MARK3: variants seen among roughly 807,000 people sequenced by gnomAD.
MARK3 encodes MAP/microtubule affinity-regulating kinase 3.
Under a neutral mutation model 90.1 loss-of-function variants are expected in MARK3, and 46 were observed. That is an observed-to-expected ratio of 0.51 (90% CI 0.40 to 0.65). The LOEUF (loss-of-function observed/expected upper bound fraction) is 0.65, where lower values mean the gene tolerates loss of function less well. Ranked by LOEUF, MARK3 falls within the 30% of genes least tolerant of loss-of-function variation. The probability of loss-of-function intolerance (pLI) is 0.00; values close to 1 mark genes in which losing one functional copy is unlikely to be tolerated. For synonymous variants in MARK3, 321 were observed against 332.6 expected (o/e 0.97, Z 0.38); for missense variants, 818 against 947.2 (o/e 0.86, Z 1.79).
rs1718038686 is a variant in MARK3 at position 103,463,327 on chromosome 14, C to T, written c.540+866C>T. ...TGACTTGCTTGTTCTCTGCACCCGC[C>T]CCTAGAGCATTCACATTCACTCTCT... is the stretch of plus-strand genomic sequence containing the variant. On this transcript the variant is annotated intron_variant, in intron 7 of 17. Transcript: ENST00000429436. 7.2e-5 allele frequency among the ~76,000 whole-genome samples: 11 copies of T among 152,124 alleles called. No individual in the cohort carries two copies. The South Asian group carries it at 2.3e-3, about 32-fold the overall frequency.
rs1296834422 is a variant in MARK3, at chr14:103,448,965, T to C, written c.344T>C (p.Ile115Thr). The C allele has an allele frequency of 1.3e-6, 2 of 1,567,418 alleles. No individual in the cohort carries two copies. Among genetic ancestry groups the C allele is most frequent in the Non-Finnish European group, 8.7e-7 (1 of 1,152,316 alleles). ...ATGAAGATTTTAAATCATCCCAATA[T>C]AGGTACTTTCTGCTTTTTTAAATAT... The part of the protein sequence containing the change: ...RIMKILNHPN[I>T]VKLFEVIETE... Residue 115 changes from isoleucine to threonine, a missense_variant and splice_region_variant, in exon 4 of 18, where the codon ATA becomes ACA. Transcript: ENST00000429436.
At chr14:103,461,543 T>TA (rs1245888259) in intron 6 of MARK3, among the ~76,000 whole-genome samples, 1 of 152,204 alleles carries the variant, frequency 6.6e-6, no homozygotes, top group African/African-American at 2.4e-5. Flanking sequence ...TCCTCCATTT[T>TA]AATAAAGGAA....
At chr14:103,465,489 C>T (rs1387787748) in intron 7 of MARK3, 68 bp from the exon 8 acceptor site, 2 of 1,096,068 alleles carry the variant, frequency 1.8e-6, no homozygotes, top group Admixed American at 1.7e-5. Flanking sequence ...TCTAAAATGC[C>T]TAATCCTGTC....
At chr14:103,486,787 G>A (rs957032253) in intron 14 of MARK3, among the ~76,000 whole-genome samples, 3 of 152,108 alleles carry the variant, frequency 2.0e-5, no homozygotes, top group Non-Finnish European at 4.4e-5. Context: ...TAGGCCTACT[G>A]TAGAAATCAG....
chr14:103,489,620 C>T (rs969957169), intron 14 of MARK3: 3 of 152,164 alleles, frequency 2.0e-5, no homozygotes, highest in Non-Finnish European at 4.4e-5. Context: ...GAAGTTGACA[C>T]CAATAAGATG....
chr14:103,483,020 A>G (rs947140309), intron 14 of MARK3, among the ~76,000 whole-genome samples: 3 of 152,196 alleles, frequency 2.0e-5, no homozygotes, highest in South Asian at 2.1e-4. Flanking sequence ...TATCTTATAA[A>G]TGAATTAAAA....
chr14:103,422,516 T>G (rs1186197046), intron 2 of MARK3, among the ~76,000 whole-genome samples: 1 of 152,120 alleles, frequency 6.6e-6, no homozygotes, highest in Non-Finnish European at 1.5e-5. Context: ...AGTGTACAGC[T>G]TGATGAATTA....
At chr14:103,437,088 T>G (rs529840602) in intron 3 of MARK3, among the ~76,000 whole-genome samples, 2 of 147,636 alleles carry the variant, frequency 1.4e-5, no homozygotes, top group Admixed American at 6.7e-5. Flanking sequence ...TGAGAAACTC[T>G]GCCAAAAAAA....
rs59233542 is a variant in MARK3, at chr14:103,391,957, T to G, written c.51+5877T>G. ...ACATCCTTTTTCTATACTGGCAAAA[T>G]GAGAAACATATTTTTCACCTGAATT... On this transcript the variant is annotated intron_variant, in intron 1 of 17. Transcript: ENST00000429436. 9.6e-3 allele frequency among the ~76,000 whole-genome samples: 1,466 copies of G among 152,222 alleles called. 22 individuals are homozygous for G. Among genetic ancestry groups the G allele is most frequent in the African/African-American group, 0.034 (1,407 of 41,502 alleles).
chr14:103,489,167 G>A (rs970068091), intron 14 of MARK3, among the ~76,000 whole-genome samples: 4 of 152,224 alleles, frequency 2.6e-5, no homozygotes, highest in South Asian at 4.1e-4. Flanking sequence ...TAGAGATGAC[G>A]ACATCTGGTT....
chr14:103,412,070 T>G (rs917088478), intron 2 of MARK3: 3 of 506,824 alleles, frequency 5.9e-6, no homozygotes, highest in African/African-American at 2.0e-5. Context: ...GTTGGTTTTT[T>G]GTTTTTTGTT....
intron 9 of MARK3, 67 bp downstream of exon 9, chr14:103,466,158 T>G: frequency 6.4e-7 from 1 of 1,560,060 alleles, no homozygotes; most frequent in Non-Finnish European, 8.7e-7. Context: ...GATCTTTGCT[T>G]GATTTGTATG....
chr14:103,407,061 A>G (rs1207368815), intron 2 of MARK3, among the ~76,000 whole-genome samples: 1 of 150,392 alleles, frequency 6.6e-6, no homozygotes, highest in Non-Finnish European at 1.5e-5. Flanking sequence ...TCTCGATCTC[A>G]TCTCGTGATC....
intron 3 of MARK3, among the ~76,000 whole-genome samples, chr14:103,439,915 T>C (rs998928838): frequency 6.6e-6 from 1 of 151,062 alleles, no homozygotes; most frequent in Non-Finnish European, 1.5e-5. Context: ...TTCCAAAGTA[T>C]CTGGGATTAC....
Position 103,502,955 on chromosome 14 carries a change from A to T in MARK3, c.1990A>T (p.Met664Leu). 3 of 1,614,298 alleles carry T rather than the reference A, an allele frequency of 1.9e-6. No homozygotes were observed. The highest frequency in any genetic ancestry group is 2.5e-6 in the Non-Finnish European group (3 of 1,180,052). The change falls in exon 18 of 18, where the codon ATG becomes TTG. Residue 664 changes from methionine (M) to leucine (L), a missense_variant. Around this residue, in one of 3 missense-constraint regions of MARK3, gnomAD observed 560 missense variants for 613.5 expected, o/e 0.91. Transcript: ENST00000429436. ...TCGATCCCTACGCTTCACCTGGAGCATGAAAACCACTAGTTCAATGGATCC... is the reference window on the plus strand; with the variant it reads ...TCGATCCCTACGCTTCACCTGGAGCTTGAAAACCACTAGTTCAATGGATCC... ...KPRSLRFTWS[M>L]KTTSSMDPGD...
intron 2 of MARK3, among the ~76,000 whole-genome samples, chr14:103,418,060 C>G (rs1260541563): frequency 6.6e-6 from 1 of 152,032 alleles, no homozygotes; most frequent in African/African-American, 2.4e-5. Flanking sequence ...CAGAGCAAAA[C>G]TCTGTCTCAA....
rs61635275 is a variant in MARK3 at position 103,400,943 on chromosome 14, T to TTGTGTGTGTGTGTG, written c.52-4107_52-4094dup. 1.5e-3 allele frequency among the ~76,000 whole-genome samples: 181 copies of TTGTGTGTGTGTGTG among 123,558 alleles called. 3 individuals are homozygous for TTGTGTGTGTGTGTG. Among genetic ancestry groups the TTGTGTGTGTGTGTG allele is most frequent in the African/African-American group, 4.5e-3 (145 of 32,368 alleles). 81.1% of individuals were successfully genotyped at this position (123,558 alleles called of 152,430 possible). Reference sequence around the variant, plus strand: ...AGTTATCAAAGAATTATATAACATTTTGTGTGTGTGTGTGTGTGTGTGTGT... The same window carrying TTGTGTGTGTGTGTG: ...AGTTATCAAAGAATTATATAACATTTTGTGTGTGTGTGTGTGTGTGTGTGTGTGTGTGTGTGTGT... On this transcript the variant is annotated intron_variant, in intron 1 of 17. Transcript: ENST00000429436.
intron 2 of MARK3, among the ~76,000 whole-genome samples, chr14:103,406,959 G>A (rs560646185): frequency 6.1e-4 from 93 of 152,190 alleles, no homozygotes; most frequent in African/African-American, 1.1e-3. Context: ...TCAGCCTCCC[G>A]AGTAGCTGGG....
chr14:103,497,294 A>G (rs2075403207), intron 15 of MARK3, among the ~76,000 whole-genome samples: 2 of 152,212 alleles, frequency 1.3e-5, no homozygotes, highest in African/African-American at 2.4e-5. Context: ...ACCTAAAGCA[A>G]TGCCAAAGTT....
Sources: gnomAD v4.1 joint callset for allele counts (sites outside exome capture counted in the v4.1 genomes callset) on GRCh38, gnomAD v4.1.1 for gene constraint, gnomAD v4.1.1 regional missense constraint, MANE v1.5 for transcripts, NCBI Gene and HGNC (gene_info 2026-07-23, HGNC 2026-07-21) for gene names.